The following ASB13 variants were observed in gnomAD, a reference collection of about 807,000 sequenced individuals.
ASB13 encodes ankyrin repeat and SOCS box protein 13.
Under a neutral mutation model 28.8 loss-of-function variants are expected in ASB13, and 33 were observed. The observed-to-expected ratio is 1.15, with a 90% CI of 0.87 to 1.53. The LOEUF (loss-of-function observed/expected upper bound fraction) is 1.53, where lower values mean the gene tolerates loss of function less well. ASB13 is among the 40% of genes most tolerant of loss of function. The pLI is 0.00. For missense variants in ASB13, 414 were observed against 390.1 expected (o/e 1.06, Z -0.52); for synonymous variants, 182 against 172.9 (o/e 1.05, Z -0.41).
In ASB13 at chr10:5,652,062, A is replaced by ACACACACACACACAC. The variant is rs1588513752; in HGVS notation, c.232-700_232-699insGTGTGTGTGTGTGTG. Among the ~76,000 whole-genome samples, 5 of 146,322 alleles carry ACACACACACACACAC rather than the reference A, an allele frequency of 3.4e-5. No individual in the cohort carries two copies. The highest frequency in any genetic ancestry group is 1.3e-4 in the African/African-American group (5 of 39,708). ...CACACACACACACACACACACACAC[A>ACACACACACACACAC]AAACTCTAACCTCAATGGAAGGAAT... On this transcript the variant is annotated intron_variant, in intron 2 of 5. Transcript: ENST00000357700. The surrounding 1 kb of genome is among the most constrained non-coding windows in gnomAD (Gnocchi z 5.0).
Position 5,662,536 on chromosome 10 carries a change from G to GAGT in ASB13, c.43+3972_43+3973insACT, listed in dbSNP as rs1455291280. ...CAGACTGAGACTCTGTCGAGAAGGG[G>GAGT]GGGGGAGGGGAGGGGAGGGGAGGGG... On this transcript the variant is annotated intron_variant, in intron 1 of 5. Transcript: ENST00000357700. Among the ~76,000 whole-genome samples, 61 of 49,460 alleles carry GAGT rather than the reference G, an allele frequency of 1.2e-3. 2 individuals are homozygous for GAGT. The highest frequency in any genetic ancestry group is 8.5e-3 in the South Asian group (9 of 1,056). The allele number at this position is 49,460 out of a possible 152,430, so 32.4% of individuals were successfully genotyped here.
chr10:5,652,061 CAA>C lies in ASB13; in HGVS notation c.232-700_232-699del, dbSNP rs770008036. ...ACACACACACACACACACACACACA[CAA>C]AACTCTAACCTCAATGGAAGGAATG... is the stretch of plus-strand genomic sequence containing the variant. On this transcript the variant is annotated intron_variant, in intron 2 of 5. Coordinates refer to ENST00000357700, the MANE Select transcript of ASB13 (RefSeq NM_024701.4). This position sits in a 1 kb window ranked among gnomAD's most constrained non-coding sequence, Gnocchi z 5.0. Among the ~76,000 whole-genome samples the C allele has an allele frequency of 1.6e-5, 2 of 127,018 alleles. No homozygotes were observed. Among genetic ancestry groups the C allele is most frequent in the Non-Finnish European group, 3.4e-5 (2 of 58,448 alleles). 83.3% of individuals were successfully genotyped at this position (127,018 alleles called of 152,430 possible).
At position 5,652,167 on chromosome 10, in the gene ASB13, T is replaced by G. The variant is rs1834999497; in HGVS notation, c.231+696A>C. ...AGGCAACTCCCCAAATTGGCAAATT[T>G]TATTTAGCATTTGTCCAAATTCAAA... is the stretch of plus-strand genomic sequence containing the variant. On this transcript the variant is annotated intron_variant, in intron 2 of 5. Transcript: ENST00000357700. This position sits in a 1 kb window ranked among gnomAD's most constrained non-coding sequence, Gnocchi z 5.0. Among the ~76,000 whole-genome samples the G allele has an allele frequency of 6.6e-6, 1 of 152,146 alleles. No homozygotes were observed. The highest frequency in any genetic ancestry group is 1.5e-5 in the Non-Finnish European group (1 of 68,030).
In ASB13 at chr10:5,641,826, G is replaced by C; in HGVS notation, c.653C>G (p.Pro218Arg). ...GCTGCTGCTCCACGTGTAGTCAGAC[G>C]GCTTCTTCCCGCGGTTGTCCCGGGC... is the stretch of plus-strand genomic sequence containing the variant. Reference protein sequence around the residue: ...IYARDNRGKKPSDYTWSSSAP... With the variant: ...IYARDNRGKKRSDYTWSSSAP... Residue 218 changes from proline to arginine, a missense_variant, in exon 5 of 6, where the codon CCG becomes CGG. Physicochemically the swap from Pro to Arg is moderately radical, Grantham distance 103. Coordinates refer to ENST00000357700, the MANE Select transcript of ASB13 (RefSeq NM_024701.4). This position sits in a 1 kb window ranked among gnomAD's most constrained non-coding sequence, Gnocchi z 8.4. 1.2e-6 allele frequency: 2 copies of C among 1,612,872 alleles called. No homozygotes were observed. The highest frequency in any genetic ancestry group is 1.7e-6 in the Non-Finnish European group (2 of 1,179,596).
In ASB13 at chr10:5,655,883, C is replaced by T. The variant is rs1369788110; in HGVS notation, c.44-2833G>A. On this transcript the variant is annotated intron_variant, in intron 1 of 5. Transcript: ENST00000357700. This position sits in a 1 kb window ranked among gnomAD's most constrained non-coding sequence, Gnocchi z 6.2. ...CTGAGCCGGGAAGGCGCGTTCCCGA[C>T]GTGCCTCCATTCACAAGACGTCCAG... Among the ~76,000 whole-genome samples, 4 of 152,218 alleles carry T rather than the reference C, an allele frequency of 2.6e-5. No individual in the cohort carries two copies. Among genetic ancestry groups the T allele is most frequent in the Admixed American group, 6.5e-5 (1 of 15,280 alleles).
rs1834833608 is a variant in ASB13, at chr10:5,642,979, C to G, written c.518-1018G>C. Among the ~76,000 whole-genome samples the G allele has an allele frequency of 6.6e-6, 1 of 152,116 alleles. No homozygotes were observed. The highest frequency in any genetic ancestry group is 2.4e-5 in the African/African-American group (1 of 41,404). ...TTTGTAACACATCATTCTTAGGGCA[C>G]AGCCATCACTGATCCGATACAATGG... On this transcript the variant is annotated intron_variant, in intron 4 of 5. Transcript: ENST00000357700. This position sits in a 1 kb window ranked among gnomAD's most constrained non-coding sequence, Gnocchi z 4.1.
At chr10:5,647,881 A>G (rs1292838424) in intron 4 of ASB13, among the ~76,000 whole-genome samples, 2 of 152,178 alleles carry the variant, frequency 1.3e-5, no homozygotes, top group Non-Finnish European at 2.9e-5. Context: ...GCAAGTAAAC[A>G]CCTGCTCAGG....
At position 5,664,726 on chromosome 10, in the gene ASB13, G is replaced by A. The variant is rs1204755665; in HGVS notation, c.43+1783C>T. Among the ~76,000 whole-genome samples the A allele has an allele frequency of 1.3e-5, 2 of 152,112 alleles. No homozygotes were observed. The highest frequency in any genetic ancestry group is 4.8e-5 in the African/African-American group (2 of 41,400). ...GACGGAGTCTCACTCTGTCGCCCAG[G>A]CTGGAGTGCAATGGCATGATCTCAG... is the stretch of plus-strand genomic sequence containing the variant. On this transcript the variant is annotated intron_variant, in intron 1 of 5. Coordinates refer to ENST00000357700, the MANE Select transcript of ASB13 (RefSeq NM_024701.4). This position sits in a 1 kb window ranked among gnomAD's most constrained non-coding sequence, Gnocchi z 4.2.
rs553404488 is a variant in ASB13, at chr10:5,640,736, C to T, written c.804G>A (p.Pro268=). 27 of 1,613,954 alleles carry T rather than the reference C, an allele frequency of 1.7e-5. No homozygotes were observed. The East Asian group carries it at 3.3e-4, about 20-fold the overall frequency. ...AGGAGAGGTAATCAATGAGCCGGGGCGGGATGTTTAACTTGGCAATCTTCT... is the reference window on the plus strand; with the variant it reads ...AGGAGAGGTAATCAATGAGCCGGGGTGGGATGTTTAACTTGGCAATCTTCT... ...GLEKIAKLNI[P]PRLIDYLSYN Residue 268 remains proline (P), a synonymous_variant, in exon 6 of 6, where the codon CCG becomes CCA. Transcript: ENST00000357700.
intron 4 of ASB13, 63 bp downstream of exon 4, chr10:5,648,907 T>A (rs879205727): frequency 6.3e-7 from 1 of 1,585,638 alleles, no homozygotes; most frequent in Non-Finnish European, 8.6e-7. Flanking sequence ...CCCACGCAGG[T>A]AAACACCCGC....
chr10:5,651,267 T>C lies in ASB13; in HGVS notation c.328A>G (p.Lys110Glu). The change falls in exon 3 of 6, where the codon AAG (lysine) becomes GAG (glutamate). Residue 110 changes from lysine to glutamate, a missense_variant. Physicochemically the swap from Lys to Glu is moderately conservative, Grantham distance 56. Transcript: ENST00000357700. The surrounding 1 kb of genome is among the most constrained non-coding windows in gnomAD (Gnocchi z 5.1). ...CVKLLLSYGA[K>E]VNPPLYTASP... The stretch of plus-strand genomic sequence containing the variant: ...GCTGTGTACAGGGGAGGGTTGACCT[T>C]GGCCCCGTAGGACAGCAAGAGCTTC... 6.2e-7 allele frequency: 1 copy of C among 1,614,054 alleles called. No homozygotes were observed. The highest frequency in any genetic ancestry group is 8.5e-7 in the Non-Finnish European group (1 of 1,179,998).
chr10:5,655,549 A>G lies in ASB13; in HGVS notation c.44-2499T>C, dbSNP rs1835056796. ...CAAAGAGCCCGGGTGACCCTATGTC[A>G]GTGGAAGTGGGGACTAGGGAGAACT... On this transcript the variant is annotated intron_variant, in intron 1 of 5. Coordinates refer to ENST00000357700, the MANE Select transcript of ASB13 (RefSeq NM_024701.4). This position sits in a 1 kb window ranked among gnomAD's most constrained non-coding sequence, Gnocchi z 6.2. 6.6e-6 allele frequency among the ~76,000 whole-genome samples: 1 copy of G among 152,202 alleles called. No individual in the cohort carries two copies. Among genetic ancestry groups the G allele is most frequent in the South Asian group, 2.1e-4 (1 of 4,830 alleles).
At position 5,663,666 on chromosome 10, in the gene ASB13, G is replaced by A. The variant is rs1835209159; in HGVS notation, c.43+2843C>T. ...TCTCCCAGGGCTGCCGAGTCGAGGA[G>A]GAGGATAGAGGTACTGTTTTGCCCA... On this transcript the variant is annotated intron_variant, in intron 1 of 5. Coordinates refer to ENST00000357700, the MANE Select transcript of ASB13 (RefSeq NM_024701.4). The surrounding 1 kb of genome is among the most constrained non-coding windows in gnomAD (Gnocchi z 4.9). Among the ~76,000 whole-genome samples, 1 of 152,210 alleles carries A rather than the reference G, an allele frequency of 6.6e-6. No homozygotes were observed. The highest frequency in any genetic ancestry group is 2.1e-4 in the South Asian group (1 of 4,832).
In ASB13 at chr10:5,651,342, C is replaced by A; in HGVS notation, c.253G>T (p.Gly85Cys). 2 of 1,610,906 alleles carry A rather than the reference C, an allele frequency of 1.2e-6. No homozygotes were observed. Among genetic ancestry groups the A allele is most frequent in the African/African-American group, 1.3e-5 (1 of 74,978 alleles). ...GAQVDARNID[G>C]STPLCDACAS... Reference sequence around the variant, plus strand: ...CAGGCATCGCAGAGCGGGGTGCTGCCGTCGATGTTGCGAGCATCCACCTCA... The same window carrying A: ...CAGGCATCGCAGAGCGGGGTGCTGCAGTCGATGTTGCGAGCATCCACCTCA... Residue 85 changes from glycine to cysteine, a missense_variant, in exon 3 of 6, where the codon GGC becomes TGC. By Grantham distance (159) the Gly-to-Cys change is radical. Transcript: ENST00000357700. The surrounding 1 kb of genome is among the most constrained non-coding windows in gnomAD (Gnocchi z 5.1).
chr10:5,654,586 T>C (rs1466951815), intron 1 of ASB13, among the ~76,000 whole-genome samples: 1 of 152,212 alleles, frequency 6.6e-6, no homozygotes, highest in African/African-American at 2.4e-5. Context: ...AGCACCCATC[T>C]CAGACACGGA....
rs1418207900 is a variant in ASB13, at chr10:5,651,003, C to T, written c.382+210G>A. ...CAGAATCCTACCCTAGAGTCACCCA[C>T]CCCAGCCCTGGACGAAGACCTCAAG... On this transcript the variant is annotated intron_variant, in intron 3 of 5. Coordinates refer to ENST00000357700, the MANE Select transcript of ASB13 (RefSeq NM_024701.4). This position sits in a 1 kb window ranked among gnomAD's most constrained non-coding sequence, Gnocchi z 5.1. Among the ~76,000 whole-genome samples, 1 of 152,210 alleles carries T rather than the reference C, an allele frequency of 6.6e-6. No homozygotes were observed. The highest frequency in any genetic ancestry group is 1.5e-5 in the Non-Finnish European group (1 of 68,024).
In ASB13 at chr10:5,651,478, T is replaced by C. The variant is rs547273428; in HGVS notation, c.232-115A>G. 1.6e-6 allele frequency: 2 copies of C among 1,250,092 alleles called. No homozygotes were observed. The highest frequency in any genetic ancestry group is 3.1e-5 in the South Asian group (2 of 65,200). The allele number at this position is 1,250,092 out of a possible 1,614,324, so 77.4% of individuals were successfully genotyped here. On this transcript the variant is annotated intron_variant, in intron 2 of 5. Coordinates refer to ENST00000357700, the MANE Select transcript of ASB13 (RefSeq NM_024701.4). The surrounding 1 kb of genome is among the most constrained non-coding windows in gnomAD (Gnocchi z 5.1). ...TGCTTCTTAGAAGCACCGGTTTGCT[T>C]TGCTATTATGTGCTAGGCAACGACA...
In ASB13 at chr10:5,641,754, C is replaced by T. The variant is rs1353209136; in HGVS notation, c.709+16G>A. On this transcript the variant is annotated intron_variant, in intron 5 of 5. Coordinates refer to ENST00000357700, the MANE Select transcript of ASB13 (RefSeq NM_024701.4). The surrounding 1 kb of genome is among the most constrained non-coding windows in gnomAD (Gnocchi z 8.4). The stretch of plus-strand genomic sequence containing the variant: ...AAGGCTGGAGGGGATGGGGTGCGCT[C>T]GGTGGGGTGTCTCACTTTCGTAGTA... The T allele has an allele frequency of 4.5e-6, 7 of 1,557,704 alleles. No individual in the cohort carries two copies. Among genetic ancestry groups the T allele is most frequent in the African/African-American group, 1.3e-5 (1 of 74,204 alleles).
At position 5,663,909 on chromosome 10, in the gene ASB13, C is replaced by T. The variant is rs1434922901; in HGVS notation, c.43+2600G>A. 1.3e-5 allele frequency among the ~76,000 whole-genome samples: 2 copies of T among 152,124 alleles called. No homozygotes were observed. The highest frequency in any genetic ancestry group is 4.8e-5 in the African/African-American group (2 of 41,410). ...CCCGCTCTGACACTGAAATCAAGAG[C>T]GATAGAGCTGTGTTTCTGATTAAAC... is the stretch of plus-strand genomic sequence containing the variant. On this transcript the variant is annotated intron_variant, in intron 1 of 5. Transcript: ENST00000357700. This position sits in a 1 kb window ranked among gnomAD's most constrained non-coding sequence, Gnocchi z 4.9.
Sources: allele counts gnomAD v4.1 joint callset (sites outside exome capture counted in the v4.1 genomes callset), GRCh38; gene constraint gnomAD v4.1.1; non-coding constraint Gnocchi (gnomAD v3.1); transcripts MANE v1.5; gene names NCBI Gene and HGNC (gene_info 2026-07-23, HGNC 2026-07-21).